The following LDLRAD4 variants were observed in gnomAD, a reference collection of about 807,000 sequenced individuals.
LDLRAD4 encodes the protein low density lipoprotein receptor class A domain containing 4.
In LDLRAD4, 5 loss-of-function variants were observed where a neutral mutation model predicts 17.0. The observed-to-expected ratio is 0.29, with a 90% CI of 0.15 to 0.62. LDLRAD4 has a LOEUF of 0.62. Ranked by LOEUF, LDLRAD4 falls within the 20% of genes least tolerant of loss-of-function variation. The probability of loss-of-function intolerance (pLI) is 0.84; values close to 1 mark genes in which losing one functional copy is unlikely to be tolerated. For missense variants in LDLRAD4, 340 were observed against 424.7 expected (o/e 0.80, Z 1.75); for synonymous variants, 168 against 171.8 (o/e 0.98, Z 0.17).
chr18:13,256,442 C>T (rs60378227), intron 1 of LDLRAD4, among the ~76,000 whole-genome samples: 14,404 of 152,270 alleles, frequency 0.095, 806 homozygotes, highest in East Asian at 0.17. Flanking sequence ...ATCCCCCCAT[C>T]AAAATCTGCC....
In LDLRAD4 at chr18:13,610,433, G is replaced by A. The variant is rs376891430; in HGVS notation, c.182-10684G>A. Among the ~76,000 whole-genome samples the A allele has an allele frequency of 8.2e-4, 124 of 151,688 alleles. 1 individual carries two copies. In the South Asian group the frequency reaches 0.016, roughly 19 times the overall value. ...CTCCTGAGTAGCTGGGATCACAGGC[G>A]TGTGCCACCACACCTGGCTAATTTT... On this transcript the variant is annotated intron_variant, in intron 3 of 5. Transcript: ENST00000359446.
At chr18:13,240,722 G>A (rs990098345) in intron 1 of LDLRAD4, 2 of 152,310 alleles carry the variant, frequency 1.3e-5, no homozygotes, top group African/African-American at 2.4e-5. Flanking sequence ...GGAACTCAGT[G>A]ATCAGGGACT....
intron 1 of LDLRAD4, among the ~76,000 whole-genome samples, chr18:13,229,941 G>T (rs2041990723): frequency 2.0e-5 from 3 of 152,228 alleles, no homozygotes; most frequent in Admixed American, 2.0e-4. Flanking sequence ...TCAATCAAGG[G>T]AGACTTCATG....
intron 3 of LDLRAD4, among the ~76,000 whole-genome samples, chr18:13,499,277 C>T (rs1648601): frequency 0.68 from 88,292 of 130,738 alleles, 29,550 homozygotes; most frequent in East Asian, 0.9. Flanking sequence ...TCGCCACACA[C>T]GTCCTTTCGT....
rs368085507 is a variant in LDLRAD4, at chr18:13,592,560, T to C, written c.182-28557T>C. Among the ~76,000 whole-genome samples, 24 of 152,322 alleles carry C rather than the reference T, an allele frequency of 1.6e-4. 1 individual carries two copies. In the East Asian group the frequency reaches 2.3e-3, roughly 15 times the overall value. On this transcript the variant is annotated intron_variant, in intron 3 of 5. Transcript: ENST00000359446. The stretch of plus-strand genomic sequence containing the variant: ...TGTGTAGGCCAAAGAATGATTATTA[T>C]TGGTAGAGTGTATAGGAAATATTAT...
At chr18:13,626,669 G>A (rs1026800157) in intron 4 of LDLRAD4, among the ~76,000 whole-genome samples, 13 of 152,354 alleles carry the variant, frequency 8.5e-5, no homozygotes, top group African/African-American at 3.1e-4. Context: ...TAAATCGATT[G>A]TGAAAATCCA....
At chr18:13,469,422 A>G (rs1201019869) in intron 3 of LDLRAD4, among the ~76,000 whole-genome samples, 1 of 152,256 alleles carries the variant, frequency 6.6e-6, no homozygotes, top group African/African-American at 2.4e-5. Context: ...ACCGGAACAG[A>G]TATTTGTACC....
intron 3 of LDLRAD4, among the ~76,000 whole-genome samples, chr18:13,573,460 G>A (rs192231917): frequency 2.0e-5 from 3 of 151,924 alleles, no homozygotes; most frequent in Admixed American, 6.6e-5. Flanking sequence ...GGCTGGTCTC[G>A]AACTCCTGGC....
At chr18:13,587,106 C>T (rs1175207817) in intron 3 of LDLRAD4, among the ~76,000 whole-genome samples, 1 of 152,092 alleles carries the variant, frequency 6.6e-6, no homozygotes, top group African/African-American at 2.4e-5. Flanking sequence ...TCAGAGGGTT[C>T]TCAAACTCTA....
At chr18:13,430,043 G>A (rs1051511565) in intron 2 of LDLRAD4, among the ~76,000 whole-genome samples, 2 of 152,166 alleles carry the variant, frequency 1.3e-5, no homozygotes, top group Non-Finnish European at 2.9e-5. Context: ...AGGCAGTGAC[G>A]GGCTCTTGGT....
chr18:13,321,813 A>G (rs993006762), intron 1 of LDLRAD4, among the ~76,000 whole-genome samples: 1 of 133,912 alleles, frequency 7.5e-6, no homozygotes, highest in Non-Finnish European at 1.5e-5. Context: ...GTGAGCCGAG[A>G]TCGCGCCATT....
chr18:13,543,840 C>T (rs751847529), intron 3 of LDLRAD4, among the ~76,000 whole-genome samples: 7 of 152,162 alleles, frequency 4.6e-5, no homozygotes, highest in African/African-American at 7.2e-5. Flanking sequence ...GAAAAACGAC[C>T]GCCAACGGGG....
chr18:13,633,853 C>G (rs2041874597), intron 4 of LDLRAD4, among the ~76,000 whole-genome samples: 1 of 152,192 alleles, frequency 6.6e-6, no homozygotes, highest in Non-Finnish European at 1.5e-5. Context: ...CCTGCCCTAC[C>G]AACTCAGAAG....
intron 1 of LDLRAD4, among the ~76,000 whole-genome samples, chr18:13,371,295 A>C (rs1390373780): frequency 1.3e-5 from 2 of 152,176 alleles, no homozygotes; most frequent in Non-Finnish European, 2.9e-5. Context: ...GACTGCTGCC[A>C]TCACCTCTAA....
In LDLRAD4 at chr18:13,627,530, G is replaced by A. The variant is rs146188781; in HGVS notation, c.336+6259G>A. 5.1e-4 allele frequency among the ~76,000 whole-genome samples: 77 copies of A among 152,352 alleles called. No homozygotes were observed. The Middle Eastern group carries it at 0.01, about 20-fold the overall frequency. Reference sequence around the variant, plus strand: ...TTCTGCACTCAGGCTTCTATTGCAAGGCTGAAGACCAAGATAGACTGAGAG... The same window carrying A: ...TTCTGCACTCAGGCTTCTATTGCAAAGCTGAAGACCAAGATAGACTGAGAG... On this transcript the variant is annotated intron_variant, in intron 4 of 5. Coordinates refer to ENST00000359446, the Ensembl canonical transcript of LDLRAD4.
At chr18:13,614,694 G>T (rs1321216128) in intron 3 of LDLRAD4, 1 of 152,110 alleles carries the variant, frequency 6.6e-6, no homozygotes, top group Non-Finnish European at 1.5e-5. Flanking sequence ...CAAACTTGAG[G>T]CAATTATAGT....
chr18:13,476,720 C>T (rs142641328), intron 3 of LDLRAD4, among the ~76,000 whole-genome samples: 41 of 152,246 alleles, frequency 2.7e-4, no homozygotes, highest in African/African-American at 9.6e-4. Flanking sequence ...CTCTCTGTCT[C>T]CTCCACACAG....
intron 1 of LDLRAD4, among the ~76,000 whole-genome samples, chr18:13,369,324 A>G (rs1448754331): frequency 6.6e-6 from 1 of 152,236 alleles, no homozygotes; most frequent in Non-Finnish European, 1.5e-5. Context: ...AACCTGGTGG[A>G]GACAGAAAAG....
At chr18:13,631,154 T>G (rs8094174) in intron 4 of LDLRAD4, among the ~76,000 whole-genome samples, 2,362 of 152,314 alleles carry the variant, frequency 0.016, 76 homozygotes, top group African/African-American at 0.053. Context: ...GACTGTCCTT[T>G]AATAATATGA....
Sources: gnomAD v4.1 joint callset for allele counts (sites outside exome capture counted in the v4.1 genomes callset) on GRCh38, gnomAD v4.1.1 for gene constraint, MANE v1.5 for transcripts, NCBI Gene and HGNC (gene_info 2026-07-23, HGNC 2026-07-21) for gene names.